The following ATRX variants were observed in gnomAD, a reference collection of about 807,000 sequenced individuals.
ATRX encodes the protein ATRX chromatin remodeler.
In ATRX, 12 loss-of-function variants were observed where a neutral mutation model predicts 172.6. The observed-to-expected ratio is 0.07, with a 90% confidence interval of 0.04 to 0.11. The LOEUF is 0.11. ATRX is among the 10% of genes least tolerant of loss of function. ATRX has a pLI of 1.00. For missense variants in ATRX, 1,368 were observed against 1,767.4 expected (o/e 0.77, Z 4.05); for synonymous variants, 674 against 594.7 (o/e 1.13, Z -1.94).
rs2148626079 is a variant in ATRX, at chrX:77,683,954, G to C, written c.1302C>G (p.Val434=). 1 of 1,209,518 alleles carries C rather than the reference G, an allele frequency of 8.3e-7. No individual in the cohort carries two copies. The highest frequency in any genetic ancestry group is 1.1e-6 in the Non-Finnish European group (1 of 893,952). The change falls in exon 9 of 35, where the codon GTC becomes GTG. Residue 434 remains valine (V), a synonymous_variant. Coordinates refer to ENST00000373344, the MANE Select transcript of ATRX (RefSeq NM_000489.6). ...CTTTTGTTTCAAACTTAGCATCTAT[G>C]ACTTTATGCTCTTTGGTATTTTTCT... ...NKEKNTKEHK[V]IDAKFETKAR...
At chrX:77,646,508 G>A (rs2068923820) in intron 15 of ATRX, among the ~76,000 whole-genome samples, 1 of 111,701 alleles carries the variant, frequency 9.0e-6, no homozygotes, top group Admixed American at 9.5e-5. Flanking sequence ...CAGTGTAGTA[G>A]GGGAAAACTA....
At chrX:77,779,334 C>T (rs1236895933) in intron 1 of ATRX, among the ~76,000 whole-genome samples, 1 of 109,766 alleles carries the variant, frequency 9.1e-6, no homozygotes, top group Non-Finnish European at 1.9e-5. Flanking sequence ...TTACTTCATG[C>T]AGCATTTATC....
At chrX:77,561,313 A>G (rs2065010418) in intron 28 of ATRX, among the ~76,000 whole-genome samples, 1 of 110,767 alleles carries the variant, frequency 9.0e-6, no homozygotes, top group East Asian at 2.8e-4. Flanking sequence ...AAAAACACAC[A>G]TACATACATA....
chrX:77,658,328 T>C (rs782377954), intron 12 of ATRX, among the ~76,000 whole-genome samples: 1 of 112,262 alleles, frequency 8.9e-6, no homozygotes, highest in South Asian at 3.7e-4. Context: ...TGAGAAAACA[T>C]TAGACAAATA....
intron 15 of ATRX, among the ~76,000 whole-genome samples, chrX:77,645,083 A>C (rs1328163983): frequency 1.8e-5 from 2 of 111,844 alleles, no homozygotes; most frequent in African/African-American, 6.5e-5. Flanking sequence ...TAGAGGCCAG[A>C]AGGCAGTGTG....
At chrX:77,704,183 G>A (rs990681218) in intron 2 of ATRX, among the ~76,000 whole-genome samples, 3 of 110,326 alleles carry the variant, frequency 2.7e-5, no homozygotes, top group South Asian at 3.9e-4. Context: ...CAGGAAAGTC[G>A]ACCCATCGTC....
chrX:77,728,255 G>C (rs1458834730), intron 1 of ATRX, among the ~76,000 whole-genome samples: 2 of 109,291 alleles, frequency 1.8e-5, no homozygotes, highest in Non-Finnish European at 1.9e-5. Flanking sequence ...CTTCGCAGAA[G>C]GATTAGCTGA....
chrX:77,618,325 T>C (rs1192870350), intron 21 of ATRX, among the ~76,000 whole-genome samples: 2 of 111,950 alleles, frequency 1.8e-5, no homozygotes, highest in African/African-American at 6.5e-5. Flanking sequence ...ACGACACCAC[T>C]AGTCTGTTCA....
At chrX:77,766,135 C>T (rs1310910331) in intron 1 of ATRX, among the ~76,000 whole-genome samples, 1 of 112,675 alleles carries the variant, frequency 8.9e-6, no homozygotes, top group Non-Finnish European at 1.9e-5. Context: ...ATCTTTTCCC[C>T]ACCTTTCCCC....
chrX:77,667,630 C>A (rs1720660242), intron 10 of ATRX, among the ~76,000 whole-genome samples: 1 of 111,445 alleles, frequency 9.0e-6, no homozygotes, highest in Non-Finnish European at 1.9e-5. Context: ...AAGAATATGT[C>A]TACTAAAAAA....
chrX:77,532,707 C>T (rs2063617440), intron 30 of ATRX, among the ~76,000 whole-genome samples: 1 of 111,578 alleles, frequency 9.0e-6, no homozygotes, highest in Non-Finnish European at 1.9e-5. Context: ...AAAATCTAGG[C>T]AATACCATTC....
chrX:77,770,662 G>A (rs782324265), intron 1 of ATRX, among the ~76,000 whole-genome samples: 1 of 112,308 alleles, frequency 8.9e-6, no homozygotes, highest in African/African-American at 3.2e-5. Context: ...GATCAGGACA[G>A]ACAAAGAGAG....
chrX:77,782,937 G>A (rs1283817413), intron 1 of ATRX, among the ~76,000 whole-genome samples: 1 of 108,037 alleles, frequency 9.3e-6, no homozygotes, highest in African/African-American at 3.4e-5. Context: ...CTTGGGCCCT[G>A]AATAACCAGC....
chrX:77,610,456 G>A (rs1198228909), intron 22 of ATRX, among the ~76,000 whole-genome samples: 3 of 111,666 alleles, frequency 2.7e-5, no homozygotes, highest in Non-Finnish European at 5.6e-5. Flanking sequence ...TCAGGAATGT[G>A]GAAGAGATCT....
chrX:77,613,260 CT>C (rs1369359139), intron 22 of ATRX, among the ~76,000 whole-genome samples: 149 of 102,638 alleles, frequency 1.5e-3, no homozygotes, highest in Admixed American at 3.0e-3. Context: ...ACTTATTTTC[CT>C]TTTTTTTTTT....
intron 2 of ATRX, among the ~76,000 whole-genome samples, chrX:77,705,370 C>A (rs1557156404): frequency 1.8e-5 from 2 of 112,067 alleles, no homozygotes; most frequent in East Asian, 5.6e-4. Context: ...TTGGAAGGGG[C>A]AGGGCTCCTG....
At position 77,559,449 on chromosome X, in the gene ATRX, CTTTTTTTTTTTTT is replaced by C. The variant is rs782028709; in HGVS notation, c.6327-616_6327-604del. On this transcript the variant is annotated intron_variant, in intron 28 of 34. Transcript: ENST00000373344. ...TTATAAGGTTTCTTTCTTTCTTTCC[CTTTTTTTTTTTTT>C]TTTTTTTTTTTTTTGAGACGGAGAC... is the stretch of plus-strand genomic sequence containing the variant. Among the ~76,000 whole-genome samples the C allele has an allele frequency of 1.2e-4, 5 of 41,704 alleles. No homozygotes were observed. In the South Asian group the frequency reaches 0.011, roughly 92 times the overall value. The allele number at this position is 41,704 out of a possible 115,157, so 36.2% of individuals were successfully genotyped here.
chrX:77,672,424 G>A (rs781890210), intron 10 of ATRX, among the ~76,000 whole-genome samples: 2 of 110,043 alleles, frequency 1.8e-5, no homozygotes, highest in East Asian at 5.7e-4. Context: ...ATCTTCTTAG[G>A]CATAAATAAC....
intron 1 of ATRX, among the ~76,000 whole-genome samples, chrX:77,719,518 A>G (rs2073629784): frequency 1.8e-5 from 2 of 111,652 alleles, no homozygotes; most frequent in Admixed American, 1.9e-4. Flanking sequence ...AGCAAAAAAA[A>G]CCAGGGGCTG....
Sources: allele counts gnomAD v4.1 joint callset (sites outside exome capture counted in the v4.1 genomes callset), GRCh38; gene constraint gnomAD v4.1.1; transcripts MANE v1.5; gene names NCBI Gene and HGNC (gene_info 2026-07-23, HGNC 2026-07-21).